The following TMC6 variants were observed in gnomAD, a reference collection of about 807,000 sequenced individuals.
TMC6 encodes transmembrane channel-like protein 6.
TMC6 carries 71 observed loss-of-function variants against 95.4 expected under a neutral mutation model. The observed-to-expected ratio is 0.74, with a 90% CI of 0.61 to 0.91. TMC6 has a LOEUF of 0.91. Ranked by LOEUF, TMC6 falls within the 40% of genes least tolerant of loss-of-function variation. TMC6 has a pLI of 0.00. For missense variants in TMC6, 1,074 were observed against 1,079.1 expected (o/e 1.00, Z 0.07); for synonymous variants, 514 against 483.1 (o/e 1.06, Z -0.84).
chr17:78,120,617 A>G (rs371220608), intron 13 of TMC6, 36 bp downstream of exon 13: 3 of 1,613,644 alleles, frequency 1.9e-6, no homozygotes, highest in African/African-American at 1.3e-5. Context: ...CTAAGGGGAG[A>G]ACACTCACCA....
chr17:78,124,225 C>T, intron 8 of TMC6, 46 bp from the exon 9 acceptor site: 1 of 1,605,934 alleles, frequency 6.2e-7, no homozygotes, highest in Non-Finnish European at 8.5e-7. Flanking sequence ...CCCCACGCCC[C>T]ACCCGACCCT....
rs552965413 is a variant in TMC6, at chr17:78,121,027, G to A, written c.1521C>T (p.Tyr507=). Residue 507 remains tyrosine, a synonymous_variant, in exon 12 of 20, where the codon TAC becomes TAT. Coordinates refer to ENST00000590602, the MANE Select transcript of TMC6 (RefSeq NM_001127198.5). This position sits in a 1 kb window ranked among gnomAD's most constrained non-coding sequence, Gnocchi z 5.6. ...EPHDSPVLEV[Y]VAICRNLILK... is the part of the protein sequence containing the mutation. ...CGGCCACACACCTGCAGATGGCCAC[G>A]TACACCTCCAGTACCGGGGAGTCAT... is the stretch of plus-strand genomic sequence containing the variant. 1.5e-4 allele frequency: 244 copies of A among 1,613,360 alleles called. No homozygotes were observed. The East Asian group carries it at 2.3e-3, about 15-fold the overall frequency.
At chr17:78,124,278 A>AGGGGC in intron 8 of TMC6, 99 bp from the exon 9 acceptor site, 1 of 1,482,626 alleles carries the variant, frequency 6.7e-7, no homozygotes, top group Non-Finnish European at 9.2e-7. Flanking sequence ...GAGGCCAGGC[A>AGGGGC]GGGGCAGTGA....
intron 9 of TMC6, 62 bp downstream of exon 9, chr17:78,123,927 T>A (rs2074560216): frequency 6.3e-7 from 1 of 1,592,336 alleles, no homozygotes; most frequent in East Asian, 2.2e-5. Flanking sequence ...AATGAATGGG[T>A]CGAAAGATGA....
In TMC6 at chr17:78,111,888, C is replaced by A; in HGVS notation, c.*1260G>T. ...TGGTCCCCACAAGCCTGGAACCCTG[C>A]GCCGTGACGGGCTGGTCCCCACAGA... On this transcript the variant is annotated 3_prime_UTR_variant, in exon 20 of 20. Transcript: ENST00000590602. The A allele has an allele frequency of 4.5e-6, 1 of 222,534 alleles. No homozygotes were observed. The highest frequency in any genetic ancestry group is 9.2e-6 in the Non-Finnish European group (1 of 108,962). 13.8% of individuals were successfully genotyped at this position (222,534 alleles called of 1,614,324 possible).
intron 13 of TMC6, 64 bp downstream of exon 13, chr17:78,120,589 G>A (rs759084047): frequency 8.9e-5 from 135 of 1,522,590 alleles, no homozygotes; most frequent in Middle Eastern, 1.7e-4. Flanking sequence ...AGAACCTCCC[G>A]GCCACACGTC....
rs999935758 is a variant in TMC6, at chr17:78,124,194, T to C, written c.892-15A>G. 1.2e-6 allele frequency: 2 copies of C among 1,610,654 alleles called. No homozygotes were observed. Among genetic ancestry groups the C allele is most frequent in the Non-Finnish European group, 1.7e-6 (2 of 1,179,578 alleles). On this transcript the variant is annotated splice_polypyrimidine_tract_variant and intron_variant, in intron 8 of 19. Transcript: ENST00000590602. ...GTGAAGCAACCCTGCCACAGGGAGA[T>C]CCAGCCGAGTCAGGGACTTTCCCCA...
chr17:78,120,601 CGGCCACT>C (rs780908976), intron 13 of TMC6, 45 bp downstream of exon 13: 3 of 1,603,144 alleles, frequency 1.9e-6, no homozygotes, highest in East Asian at 2.3e-5. Flanking sequence ...CCACACGTCC[CGGCCACT>C]AAGGGGAGAA....
At chr17:78,131,099 T>G, upstream of TMC6, 1 of 213,748 alleles carries the variant, frequency 4.7e-6, no homozygotes, top group East Asian at 1.6e-4. Context: ...AACTGTGGGG[T>G]TTGGGACACA....
intron 15 of TMC6, 63 bp downstream of exon 15, chr17:78,118,908 A>G: frequency 6.6e-7 from 1 of 1,518,654 alleles, no homozygotes; most frequent in East Asian, 2.4e-5. Flanking sequence ...TGCCCAGCTG[A>G]GTCCTGCCCC....
rs558834196 is a variant in TMC6, at chr17:78,127,068, G to A, written c.-74-162C>T. 9.8e-6 allele frequency: 6 copies of A among 611,984 alleles called. No homozygotes were observed. The East Asian group carries it at 1.7e-4, about 17-fold the overall frequency. The allele number at this position is 611,984 out of a possible 1,614,324, so 37.9% of individuals were successfully genotyped here. On this transcript the variant is annotated intron_variant, in intron 1 of 19. Coordinates refer to ENST00000590602, the MANE Select transcript of TMC6 (RefSeq NM_001127198.5). Reference sequence around the variant, plus strand: ...ACATAAATGGTGAGGCACCGAATAAGCCTCATGCCAGAATGGAATGGGGGG... The same window carrying A: ...ACATAAATGGTGAGGCACCGAATAAACCTCATGCCAGAATGGAATGGGGGG...
At chr17:78,119,448 C>T in intron 13 of TMC6, 56 bp from the exon 14 acceptor site, 2 of 1,578,968 alleles carry the variant, frequency 1.3e-6, no homozygotes, top group Non-Finnish European at 1.7e-6. Context: ...GGGAGGCCAG[C>T]CTGAGTCCCC....
chr17:78,131,771 G>C (rs764428491), upstream of TMC6: 18 of 1,562,026 alleles, frequency 1.2e-5, no homozygotes, highest in South Asian at 1.8e-4. Context: ...CGGTGCGTGG[G>C]GGGGGTGCTG....
rs2074747449 is a variant in TMC6, at chr17:78,126,893, T to A, written c.-61A>T. 6.3e-7 allele frequency: 1 copy of A among 1,576,858 alleles called. No individual in the cohort carries two copies. Among genetic ancestry groups the A allele is most frequent in the African/African-American group, 1.4e-5 (1 of 73,824 alleles). ...GGTAGCTCAGAGCCTGGGCGCCACC[T>A]CCGGAGCCCCCATCTGATGAGACAG... On this transcript the variant is annotated 5_prime_UTR_variant, in exon 2 of 20. Transcript: ENST00000590602.
rs774810206 is a variant in TMC6 at position 78,117,790 on chromosome 17, C to G, written c.2021+12G>C. 6.2e-7 allele frequency: 1 copy of G among 1,603,228 alleles called. No individual in the cohort carries two copies. Among genetic ancestry groups the G allele is most frequent in the African/African-American group, 1.3e-5 (1 of 74,796 alleles). On this transcript the variant is annotated intron_variant, in intron 16 of 19. Coordinates refer to ENST00000590602, the MANE Select transcript of TMC6 (RefSeq NM_001127198.5). ...TGACACAGAAGGGTCTCCCTCCACCCGCCCCACTCACTGCCAGACGGCGTA... is the reference window on the plus strand; with the variant it reads ...TGACACAGAAGGGTCTCCCTCCACCGGCCCCACTCACTGCCAGACGGCGTA...
chr17:78,122,899 C>T lies in TMC6; in HGVS notation c.1083-150G>A, dbSNP rs1326549869. 1.6e-5 allele frequency: 17 copies of T among 1,043,090 alleles called. No homozygotes were observed. Among genetic ancestry groups the T allele is most frequent in the Non-Finnish European group, 2.4e-5 (17 of 703,026 alleles). The allele number at this position is 1,043,090 out of a possible 1,614,324, so 64.6% of individuals were successfully genotyped here. ...GACTGGGCCTCCTGCCACACCCCTG[C>T]CCCACCACCAGCCCTCTACACCAGT... On this transcript the variant is annotated intron_variant, in intron 9 of 19. Transcript: ENST00000590602. This position sits in a 1 kb window ranked among gnomAD's most constrained non-coding sequence, Gnocchi z 4.9.
chr17:78,129,434 T>A (rs2074902155), upstream of TMC6, among the ~76,000 whole-genome samples: 1 of 152,060 alleles, frequency 6.6e-6, no homozygotes. The surrounding 1 kb of genome is among the most constrained non-coding windows in gnomAD (Gnocchi z 4.3). Flanking sequence ...CCCTTTAGGG[T>A]GCCCCCAGCC....
At chr17:78,123,808 G>A (rs1213207552) in intron 9 of TMC6, among the ~76,000 whole-genome samples, 181 bp downstream of exon 9, 1 of 152,062 alleles carries the variant, frequency 6.6e-6, no homozygotes, top group African/African-American at 2.4e-5. Context: ...TGGATGGGTG[G>A]GTAGGTAGAT....
At chr17:78,113,459 G>C (rs2073895634) in intron 19 of TMC6, 89 bp downstream of exon 19, 1 of 1,475,074 alleles carries the variant, frequency 6.8e-7, no homozygotes, top group Non-Finnish European at 9.5e-7. Flanking sequence ...CAATGTCGTG[G>C]TGTAGCCCCA....
Sources: gnomAD v4.1 joint callset for allele counts (sites outside exome capture counted in the v4.1 genomes callset) on GRCh38, gnomAD v4.1.1 for gene constraint, Gnocchi (gnomAD v3.1) non-coding constraint, MANE v1.5 for transcripts, NCBI Gene and HGNC (gene_info 2026-07-23, HGNC 2026-07-21) for gene names.